The following LARGE1 variants were observed in gnomAD, a reference collection of about 807,000 sequenced individuals.
The protein encoded by LARGE1 is LARGE xylosyl- and glucuronyltransferase 1, also known as xylosyl- and glucuronyltransferase LARGE1.
A neutral mutation model predicts 87.6 loss-of-function variants in LARGE1; 43 were observed. The ratio of observed to expected loss-of-function variants is 0.49; its 90% confidence interval spans 0.38 to 0.63. The LOEUF (loss-of-function observed/expected upper bound fraction) is 0.63. Ranked by LOEUF, LARGE1 falls within the 30% of genes least tolerant of loss-of-function variation. The pLI is 0.00. For missense variants in LARGE1, 802 were observed against 1,000.2 expected (o/e 0.80, Z 2.67); for synonymous variants, 434 against 394.6 (o/e 1.10, Z -1.18).
At chr22:33,582,634 T>C (rs934112703) in intron 5 of LARGE1, among the ~76,000 whole-genome samples, 4 of 152,218 alleles carry the variant, frequency 2.6e-5, no homozygotes, top group African/African-American at 9.6e-5. Context: ...GCCTTTCCAC[T>C]GTACCTAGGC....
chr22:33,464,904 C>T (rs2068536106), intron 6 of LARGE1, among the ~76,000 whole-genome samples: 5 of 141,336 alleles, frequency 3.5e-5, no homozygotes, highest in African/African-American at 1.6e-4. Context: ...CACACACACA[C>T]ACATACACAT....
chr22:33,253,908 G>GTTTTTTTTT (rs536060752), intron 11 of LARGE1, among the ~76,000 whole-genome samples: 1 of 143,226 alleles, frequency 7.0e-6, no homozygotes. Context: ...TTCCTTCTTG[G>GTTTTTTTTT]TTTTTTTTTT....
the LARGE1 span, among the ~76,000 whole-genome samples, chr22:33,072,279 G>A: frequency 6.6e-6 from 1 of 152,158 alleles, no homozygotes; most frequent in Non-Finnish European, 1.5e-5. Context: ...AAAAGAGGAG[G>A]AGGAGGAGAA....
Position 33,587,099 on chromosome 22 carries a change from C to T in LARGE1, c.615+17336G>A, listed in dbSNP as rs545952913. ...CTTATTGAAGCAACATTCAACGTTG[C>T]TATTAAATCAATAAAATGTTATTTA... On this transcript the variant is annotated intron_variant, in intron 5 of 14. Transcript: ENST00000397394. Among the ~76,000 whole-genome samples, 8 of 152,226 alleles carry T rather than the reference C, an allele frequency of 5.3e-5. No homozygotes were observed. The South Asian group carries it at 8.3e-4, about 16-fold the overall frequency.
rs60769948 is a variant in LARGE1 at position 33,555,416 on chromosome 22, T to A, written c.787+9432A>T. Among the ~76,000 whole-genome samples the A allele has an allele frequency of 2.6e-3, 387 of 151,448 alleles. 1 individual carries two copies. The highest frequency in any genetic ancestry group is 9.1e-3 in the African/African-American group (374 of 41,244). ...TGATGAGTCCTCTTGAAAAAAAAAA[T>A]ATGAAAGAGCAGTAGAGAAAAATGG... On this transcript the variant is annotated intron_variant, in intron 6 of 14. Coordinates refer to ENST00000397394, the MANE Select transcript of LARGE1 (RefSeq NM_133642.5).
chr22:33,402,216 G>A (rs2283899), intron 7 of LARGE1, among the ~76,000 whole-genome samples: 48,226 of 152,004 alleles, frequency 0.32, 8,538 homozygotes, highest in African/African-American at 0.48. Flanking sequence ...GCTTTGGTAG[G>A]TCTGCTGTGT....
chr22:33,801,147 A>T (rs2086149155), intron 1 of LARGE1, among the ~76,000 whole-genome samples: 1 of 152,188 alleles, frequency 6.6e-6, no homozygotes, highest in Admixed American at 6.5e-5. Context: ...CCATGTAAGA[A>T]GTGCCTTTTG....
At chr22:33,551,224 C>T (rs1174778852) in intron 6 of LARGE1, among the ~76,000 whole-genome samples, 3 of 152,174 alleles carry the variant, frequency 2.0e-5, no homozygotes, top group Non-Finnish European at 4.4e-5. Flanking sequence ...AAGACATATA[C>T]AGCCCAAAAT....
chr22:33,076,162 A>T, the LARGE1 span, among the ~76,000 whole-genome samples: 1 of 152,322 alleles, frequency 6.6e-6, no homozygotes, highest in African/African-American at 2.4e-5. Flanking sequence ...AGGAAATAAT[A>T]AGTTATACTG....
At chr22:33,619,624 A>C (rs781451054) in intron 4 of LARGE1, among the ~76,000 whole-genome samples, 2 of 151,912 alleles carry the variant, frequency 1.3e-5, no homozygotes, top group Non-Finnish European at 2.9e-5. Context: ...CTTTTTGTTG[A>C]GAAGCTCAGA....
At chr22:33,082,791 T>C in the LARGE1 span, among the ~76,000 whole-genome samples, 50 of 152,130 alleles carry the variant, frequency 3.3e-4, no homozygotes, top group Admixed American at 9.2e-4. Flanking sequence ...CTTGGGAGGC[T>C]GAGGTGGGTG....
chr22:33,087,463 C>A, the LARGE1 span, among the ~76,000 whole-genome samples: 6 of 152,060 alleles, frequency 3.9e-5, no homozygotes, highest in East Asian at 1.2e-3. Flanking sequence ...CAGTGATGTA[C>A]TTATGCATAA....
intron 2 of LARGE1, among the ~76,000 whole-genome samples, chr22:33,719,047 C>G (rs2082998444): frequency 1.3e-5 from 2 of 152,138 alleles, no homozygotes; most frequent in Admixed American, 1.3e-4. Flanking sequence ...CCTCAGCCTC[C>G]CAAAGTGCTG....
chr22:33,524,550 C>G (rs912722467), intron 6 of LARGE1, among the ~76,000 whole-genome samples: 3 of 151,986 alleles, frequency 2.0e-5, no homozygotes, highest in African/African-American at 7.2e-5. Flanking sequence ...TTCCCATGCT[C>G]TCCCATTCGC....
chr22:33,225,733 C>CCT (rs1270265516), intron 11 of LARGE1, among the ~76,000 whole-genome samples: 1 of 152,016 alleles, frequency 6.6e-6, no homozygotes, highest in Non-Finnish European at 1.5e-5. Flanking sequence ...TCAACTAGGC[C>CCT]CCACTGTCTG....
intron 11 of LARGE1, among the ~76,000 whole-genome samples, chr22:33,220,103 C>T (rs574990667): frequency 6.6e-6 from 1 of 152,292 alleles, no homozygotes; most frequent in African/African-American, 2.4e-5. Flanking sequence ...CTGAATTCCG[C>T]TGCAGAGGGC....
chr22:33,179,377 T>G (rs572622380), intron 11 of LARGE1, among the ~76,000 whole-genome samples: 43 of 152,016 alleles, frequency 2.8e-4, no homozygotes, highest in African/African-American at 9.9e-4. Context: ...CTTTCTTCTC[T>G]TGAGCAAAAT....
In LARGE1 at chr22:33,561,567, G is replaced by A. The variant is rs1203942067; in HGVS notation, c.787+3281C>T. On this transcript the variant is annotated intron_variant, in intron 6 of 14. Coordinates refer to ENST00000397394, the MANE Select transcript of LARGE1 (RefSeq NM_133642.5). ...GGTACTAGCACCCCGGTGTAGCTACGGGCTCACCAAACAGTCTTATTCTTG... is the reference window on the plus strand; with the variant it reads ...GGTACTAGCACCCCGGTGTAGCTACAGGCTCACCAAACAGTCTTATTCTTG... 3.3e-5 allele frequency among the ~76,000 whole-genome samples: 5 copies of A among 152,172 alleles called. No individual in the cohort carries two copies. The East Asian group carries it at 5.8e-4, about 18-fold the overall frequency.
chr22:33,396,690 G>A (rs1245133662), intron 7 of LARGE1, among the ~76,000 whole-genome samples: 3 of 152,146 alleles, frequency 2.0e-5, no homozygotes, highest in Non-Finnish European at 4.4e-5. Flanking sequence ...AGAGCTTGGA[G>A]GTGTTATGGG....
Sources: gnomAD v4.1 joint callset for allele counts (sites outside exome capture counted in the v4.1 genomes callset) on GRCh38, gnomAD v4.1.1 for gene constraint, MANE v1.5 for transcripts, NCBI Gene and HGNC (gene_info 2026-07-23, HGNC 2026-07-21) for gene names.